The following EYA2 variants were observed in gnomAD, a reference collection of about 807,000 sequenced individuals.
EYA2 encodes the protein protein phosphatase EYA2.
Under a neutral mutation model 69.2 loss-of-function variants are expected in EYA2, and 31 were observed. That is an observed-to-expected ratio of 0.45 (90% CI 0.34 to 0.60). EYA2 has a LOEUF of 0.60. Among genes scored for constraint, EYA2 ranks in the 20% least tolerant of loss-of-function variants. EYA2 has a pLI of 0.02. For synonymous variants in EYA2, 257 were observed against 279.4 expected (o/e 0.92, Z 0.80); for missense variants, 622 against 701.2 (o/e 0.89, Z 1.28).
chr20:47,042,529 C>G (rs1304721257), intron 5 of EYA2, among the ~76,000 whole-genome samples: 2 of 152,168 alleles, frequency 1.3e-5, no homozygotes, highest in African/African-American at 4.8e-5. Flanking sequence ...GTCATTCAGC[C>G]TCTGACCCTC....
chr20:47,155,016 T>C (rs962041807), intron 10 of EYA2, among the ~76,000 whole-genome samples: 1 of 151,856 alleles, frequency 6.6e-6, no homozygotes, highest in African/African-American at 2.4e-5. Context: ...CCACCACACC[T>C]GGCTAATTCT....
At chr20:47,054,577 C>T (rs1281830077) in intron 5 of EYA2, among the ~76,000 whole-genome samples, 2 of 152,124 alleles carry the variant, frequency 1.3e-5, no homozygotes, top group Admixed American at 6.5e-5. Context: ...TTCACTAATG[C>T]GGATAGACAG....
chr20:47,048,588 T>A (rs2030164127), intron 5 of EYA2, among the ~76,000 whole-genome samples: 1 of 152,054 alleles, frequency 6.6e-6, no homozygotes, highest in African/African-American at 2.4e-5. Flanking sequence ...ATACAAAAAT[T>A]AGCTGGGCGT....
intron 1 of EYA2, among the ~76,000 whole-genome samples, chr20:46,946,977 A>T (rs1228126391): frequency 6.6e-6 from 1 of 152,230 alleles, no homozygotes; most frequent in Non-Finnish European, 1.5e-5. Context: ...ATAAAGTTTT[A>T]TTGGAAAGCA....
At chr20:46,926,631 G>C (rs754261196) in intron 1 of EYA2, among the ~76,000 whole-genome samples, 4 of 152,148 alleles carry the variant, frequency 2.6e-5, no homozygotes, top group Non-Finnish European at 5.9e-5. Flanking sequence ...CCCTCACAGG[G>C]ATACCTAGAA....
At chr20:46,941,838 A>T (rs1053884265) in intron 1 of EYA2, among the ~76,000 whole-genome samples, 10 of 151,908 alleles carry the variant, frequency 6.6e-5, no homozygotes, top group Middle Eastern at 3.4e-3. Flanking sequence ...AGCTCACTGT[A>T]GCCTCAAACT....
intron 5 of EYA2, among the ~76,000 whole-genome samples, chr20:47,069,420 C>G (rs1029518746): frequency 6.6e-6 from 1 of 152,060 alleles, no homozygotes. Flanking sequence ...ACCTGAGAGG[C>G]GGAGATTGCA....
chr20:46,954,011 G>T (rs1978967436), intron 1 of EYA2, among the ~76,000 whole-genome samples: 1 of 152,092 alleles, frequency 6.6e-6, no homozygotes, highest in African/African-American at 2.4e-5. Context: ...TTCTCATCAT[G>T]TTCCAACCAC....
intron 9 of EYA2, among the ~76,000 whole-genome samples, chr20:47,138,376 T>C (rs968391559): frequency 6.6e-6 from 1 of 152,200 alleles, no homozygotes. Flanking sequence ...TAAAGGCTCA[T>C]CATATAAACA....
intron 1 of EYA2, among the ~76,000 whole-genome samples, chr20:46,970,041 G>A (rs981657946): frequency 1.3e-5 from 2 of 152,046 alleles, no homozygotes; most frequent in Admixed American, 6.6e-5. Context: ...TTCTTCCGTC[G>A]GATCTTCTGA....
rs1468298082 is a variant in EYA2, at chr20:47,040,840, AG to A, written c.415+24549del. 2.3e-5 allele frequency among the ~76,000 whole-genome samples: 3 copies of A among 131,000 alleles called. No homozygotes were observed. In the East Asian group the frequency reaches 5.8e-4, roughly 25 times the overall value. The allele number at this position is 131,000 out of a possible 152,430, so 85.9% of individuals were successfully genotyped here. ...CTAGAAATGGGAGTGTCTGGGGGTT[AG>A]GGGGGAGGTTAAAAAACCAAAACCT... On this transcript the variant is annotated intron_variant, in intron 5 of 15. Transcript: ENST00000327619.
At position 47,169,123 on chromosome 20, in the gene EYA2, G is replaced by C. The variant is rs185528348; in HGVS notation, c.979-16G>C. 7.4e-4 allele frequency: 1,183 copies of C among 1,608,062 alleles called. 6 individuals carry two copies. The African/African-American group carries it at 0.015, about 20-fold the overall frequency. ...ATGTTCTCTCTCTCTCTCTCTCTCT[G>C]TCAAATTTTCCATAGGATTGTGACC... On this transcript the variant is annotated splice_polypyrimidine_tract_variant and intron_variant, in intron 10 of 15. Coordinates refer to ENST00000327619, the MANE Select transcript of EYA2 (RefSeq NM_005244.5).
intron 1 of EYA2, among the ~76,000 whole-genome samples, chr20:46,920,661 T>C (rs1985138349): frequency 6.6e-6 from 1 of 152,220 alleles, no homozygotes; most frequent in Non-Finnish European, 1.5e-5. Context: ...CTGACTTCTT[T>C]CCAAGTCACT....
intron 9 of EYA2, among the ~76,000 whole-genome samples, chr20:47,142,534 T>C (rs142540837): frequency 6.6e-6 from 1 of 152,350 alleles, no homozygotes; most frequent in East Asian, 1.9e-4. Flanking sequence ...TGTGTGTTTT[T>C]ATCATTAACC....
intron 5 of EYA2, among the ~76,000 whole-genome samples, chr20:47,063,392 C>CATGTGTGTGTGT: frequency 1.4e-5 from 2 of 143,490 alleles, no homozygotes; most frequent in East Asian, 4.2e-4. Flanking sequence ...TGTGCGTGTG[C>CATGTGTGTGTGT]GTGTGTGTGT....
At chr20:46,916,126 G>T (rs1032710533) in intron 1 of EYA2, among the ~76,000 whole-genome samples, 3 of 152,116 alleles carry the variant, frequency 2.0e-5, no homozygotes, top group African/African-American at 7.2e-5. Context: ...ACTCTCTGAG[G>T]TTACCTTCCC....
chr20:47,087,141 G>A (rs528872668), intron 7 of EYA2, among the ~76,000 whole-genome samples: 43 of 152,306 alleles, frequency 2.8e-4, no homozygotes, highest in African/African-American at 9.4e-4. Flanking sequence ...GCAAAATCAT[G>A]TCTTGTCTTA....
chr20:46,906,978 CA>C (rs1397064600), intron 1 of EYA2, among the ~76,000 whole-genome samples: 1 of 152,176 alleles, frequency 6.6e-6, no homozygotes, highest in Non-Finnish European at 1.5e-5. Context: ...CAGTACACTA[CA>C]GAAGCCAGTC....
chr20:47,000,797 C>G (rs942267058), intron 2 of EYA2, among the ~76,000 whole-genome samples: 2 of 152,122 alleles, frequency 1.3e-5, no homozygotes, highest in Non-Finnish European at 2.9e-5. Context: ...GCTCCACCAC[C>G]CTAGATGGAG....
Sources: allele counts gnomAD v4.1 joint callset (sites outside exome capture counted in the v4.1 genomes callset), GRCh38; gene constraint gnomAD v4.1.1; transcripts MANE v1.5; gene names NCBI Gene and HGNC (gene_info 2026-07-23, HGNC 2026-07-21).